Variants in STX8 observed in about 807,000 individuals in gnomAD.
The protein encoded by STX8 is syntaxin-8.
STX8 carries 23 observed loss-of-function variants against 37.5 expected under a neutral mutation model. The observed-to-expected ratio is 0.61, with a 90% confidence interval of 0.44 to 0.87. The LOEUF (loss-of-function observed/expected upper bound fraction) is 0.87, where lower values mean the gene tolerates loss of function less well. Among genes scored for constraint, STX8 ranks in the 40% least tolerant of loss-of-function variants. The pLI is 0.00. For synonymous variants in STX8, 115 were observed against 99.1 expected (o/e 1.16, Z -0.95); for missense variants, 313 against 284.7 (o/e 1.10, Z -0.71).
chr17:9,441,452 T>C, intron 6 of STX8, among the ~76,000 whole-genome samples: 1 of 66,958 alleles, frequency 1.5e-5, no homozygotes, highest in South Asian at 6.1e-4. Context: ...GTTGCACCAC[T>C]GCACTCCAAC....
At chr17:9,414,061 T>G (rs1296727780) in intron 6 of STX8, among the ~76,000 whole-genome samples, 15 of 119,444 alleles carry the variant, frequency 1.3e-4, no homozygotes, top group South Asian at 2.7e-4. Context: ...CGTCTGTCCA[T>G]CCATCCATCC....
intron 6 of STX8, among the ~76,000 whole-genome samples, chr17:9,448,213 T>G (rs1904920616): frequency 6.6e-6 from 1 of 151,388 alleles, no homozygotes; most frequent in African/African-American, 2.4e-5. Context: ...TATTCATGGA[T>G]TGCATATTTA....
chr17:9,381,064 G>A (rs963363314), intron 6 of STX8, among the ~76,000 whole-genome samples: 7 of 152,016 alleles, frequency 4.6e-5, no homozygotes, highest in Admixed American at 4.6e-4. Context: ...ATGCTGTACA[G>A]GTTTTCAGCC....
At chr17:9,329,731 T>C (rs925601587) in intron 7 of STX8, among the ~76,000 whole-genome samples, 5 of 152,116 alleles carry the variant, frequency 3.3e-5, no homozygotes, top group Non-Finnish European at 5.9e-5. Flanking sequence ...AAGTGAGCGG[T>C]AGGAGCCCGT....
In STX8 at chr17:9,326,495, G is replaced by A. The variant is rs112006780; in HGVS notation, c.643+52057C>T. On this transcript the variant is annotated intron_variant, in intron 7 of 7. Coordinates refer to ENST00000306357, the MANE Select transcript of STX8 (RefSeq NM_004853.3). ...TTTTCAAATTACTCAGTGTTCTTTCGATAAATTCCTTTTGCACTTATGTGG... is the reference window on the plus strand; with the variant it reads ...TTTTCAAATTACTCAGTGTTCTTTCAATAAATTCCTTTTGCACTTATGTGG... 1.9e-3 allele frequency among the ~76,000 whole-genome samples: 285 copies of A among 152,246 alleles called. 1 individual carries two copies. Among genetic ancestry groups the A allele is most frequent in the African/African-American group, 6.2e-3 (257 of 41,550 alleles).
intron 2 of STX8, among the ~76,000 whole-genome samples, chr17:9,566,761 T>G (rs1273967697): frequency 6.6e-6 from 1 of 151,368 alleles, no homozygotes; most frequent in African/African-American, 2.4e-5. Context: ...CACTCCAGCC[T>G]GGGCAACAAG....
chr17:9,260,717 GT>G (rs1265323089), intron 7 of STX8, among the ~76,000 whole-genome samples: 1 of 152,222 alleles, frequency 6.6e-6, no homozygotes, highest in East Asian at 1.9e-4. Context: ...ATGTGCCTGG[GT>G]GGGTTTGTGC....
intron 4 of STX8, among the ~76,000 whole-genome samples, chr17:9,538,863 GT>G (rs890010970): frequency 2.1e-4 from 31 of 147,036 alleles, no homozygotes; most frequent in African/African-American, 4.2e-4. Context: ...AATGGTTTTG[GT>G]TTTTTTTTTT....
At chr17:9,346,384 A>T (rs142394763) in intron 7 of STX8, among the ~76,000 whole-genome samples, 26 of 152,168 alleles carry the variant, frequency 1.7e-4, no homozygotes, top group African/African-American at 6.0e-4. Flanking sequence ...GGGAGCACAC[A>T]TCTTACAGCA....
intron 6 of STX8, among the ~76,000 whole-genome samples, chr17:9,386,874 CTCT>C (rs957748647): frequency 2.6e-5 from 4 of 151,778 alleles, no homozygotes; most frequent in South Asian, 2.1e-4. Context: ...TTCTTTTTTC[CTCT>C]TCTTTTTTTG....
At chr17:9,267,312 C>G (rs151046833) in intron 7 of STX8, among the ~76,000 whole-genome samples, 2 of 152,196 alleles carry the variant, frequency 1.3e-5, no homozygotes, top group Admixed American at 6.5e-5. Flanking sequence ...AAGCATACTA[C>G]CCGGCTTATG....
chr17:9,443,890 T>A (rs1263606088), intron 6 of STX8, among the ~76,000 whole-genome samples: 2 of 152,194 alleles, frequency 1.3e-5, no homozygotes, highest in Non-Finnish European at 2.9e-5. Context: ...TATTACCAAA[T>A]ACCCAATATA....
intron 6 of STX8, among the ~76,000 whole-genome samples, chr17:9,483,039 G>T (rs1405254246): frequency 6.6e-6 from 1 of 152,104 alleles, no homozygotes; most frequent in African/African-American, 2.4e-5. Flanking sequence ...TTCACAAAAA[G>T]ACACCATGAT....
intron 1 of STX8, among the ~76,000 whole-genome samples, chr17:9,568,982 C>T (rs1006529272): frequency 3.9e-5 from 6 of 152,198 alleles, no homozygotes; most frequent in Non-Finnish European, 1.5e-5. Context: ...TTAATCAAAA[C>T]AGGAACGCTA....
intron 6 of STX8, among the ~76,000 whole-genome samples, chr17:9,428,264 T>C (rs776687576): frequency 3.3e-5 from 5 of 152,206 alleles, no homozygotes; most frequent in Non-Finnish European, 7.3e-5. Context: ...TGTTTTGAGA[T>C]GGAGTCTCAC....
chr17:9,339,305 A>C (rs183520395), intron 7 of STX8, among the ~76,000 whole-genome samples: 91 of 152,260 alleles, frequency 6.0e-4, no homozygotes, highest in African/African-American at 2.0e-3. Context: ...AAATGCTTCC[A>C]AAAACCAACC....
rs374625811 is a variant in STX8, at chr17:9,422,793, C to T, written c.542-44140G>A. 1.3e-3 allele frequency among the ~76,000 whole-genome samples: 199 copies of T among 152,330 alleles called. 1 individual carries two copies. Among genetic ancestry groups the T allele is most frequent in the African/African-American group, 4.6e-3 (193 of 41,578 alleles). On this transcript the variant is annotated intron_variant, in intron 6 of 7. Transcript: ENST00000306357. ...TATCTGGCCCTTTGGTGACAAGGTTCGCTGACCCCTAGTTTATACCATCTA... is the reference window on the plus strand; with the variant it reads ...TATCTGGCCCTTTGGTGACAAGGTTTGCTGACCCCTAGTTTATACCATCTA...
intron 6 of STX8, among the ~76,000 whole-genome samples, chr17:9,486,969 G>A (rs1362366689): frequency 1.3e-5 from 2 of 152,088 alleles, no homozygotes; most frequent in Admixed American, 1.3e-4. Flanking sequence ...GCTGCATGAG[G>A]GGACGTCATC....
intron 7 of STX8, among the ~76,000 whole-genome samples, chr17:9,319,635 C>T (rs969603531): frequency 4.6e-5 from 7 of 151,926 alleles, no homozygotes; most frequent in Non-Finnish European, 7.4e-5. Context: ...AAGGAAGATT[C>T]GGTTCAGAAA....
Sources: gnomAD v4.1 joint callset for allele counts (sites outside exome capture counted in the v4.1 genomes callset) on GRCh38, gnomAD v4.1.1 for gene constraint, MANE v1.5 for transcripts, NCBI Gene and HGNC (gene_info 2026-07-23, HGNC 2026-07-21) for gene names.